KCNMA1: variants seen among roughly 807,000 people sequenced by gnomAD.
KCNMA1 encodes Calcium-activated potassium channel subunit alpha-1.
In KCNMA1, 29 loss-of-function variants were observed where a neutral mutation model predicts 140.0. The ratio of observed to expected loss-of-function variants is 0.21; its 90% CI spans 0.15 to 0.28. The LOEUF (loss-of-function observed/expected upper bound fraction) is 0.28, where lower values mean the gene tolerates loss of function less well. Among genes scored for constraint, KCNMA1 ranks in the 10% least tolerant of loss-of-function variants. The pLI is 1.00. For synonymous variants in KCNMA1, 612 were observed against 611.9 expected, an observed-to-expected ratio of 1.00 and a Z score of 0.00; for missense variants, 880 against 1,602.2, an observed-to-expected ratio of 0.55 and a Z score of 7.70.
At chr10:77,501,309 G>C (rs1180274661) in intron 1 of KCNMA1, among the ~76,000 whole-genome samples, 1 of 152,204 alleles carries the variant, frequency 6.6e-6, no homozygotes, top group Non-Finnish European at 1.5e-5. Flanking sequence ...CTTTGGTTCA[G>C]GAATGCTTGG....
At chr10:77,497,552 C>T (rs1347729107) in intron 1 of KCNMA1, among the ~76,000 whole-genome samples, 1 of 152,162 alleles carries the variant, frequency 6.6e-6, no homozygotes, top group East Asian at 1.9e-4. Context: ...AACTGTGTCC[C>T]CAAACTAAGA....
chr10:77,168,792 G>T (rs902910915), intron 5 of KCNMA1, among the ~76,000 whole-genome samples: 1 of 152,142 alleles, frequency 6.6e-6, no homozygotes, highest in Non-Finnish European at 1.5e-5. Flanking sequence ...AAAACATAGT[G>T]CCAGACATTT....
intron 2 of KCNMA1, among the ~76,000 whole-genome samples, chr10:77,378,052 T>C (rs576078426): frequency 3.3e-5 from 5 of 152,358 alleles, no homozygotes; most frequent in Admixed American, 3.3e-4. Flanking sequence ...TTCAATGAGT[T>C]CAGAGAAGTC....
At chr10:77,216,611 G>C (rs1032597310) in intron 3 of KCNMA1, among the ~76,000 whole-genome samples, 1 of 152,070 alleles carries the variant, frequency 6.6e-6, no homozygotes, top group Non-Finnish European at 1.5e-5. Flanking sequence ...TGAAAAAATT[G>C]TATCTTAGAA....
chr10:77,049,085 G>A (rs2095254105), intron 14 of KCNMA1, among the ~76,000 whole-genome samples: 1 of 152,118 alleles, frequency 6.6e-6, no homozygotes, highest in Non-Finnish European at 1.5e-5. Context: ...TTTAGTCACA[G>A]AATCCTTTAT....
chr10:77,366,811 T>C (rs2094394922), intron 2 of KCNMA1, among the ~76,000 whole-genome samples: 1 of 152,234 alleles, frequency 6.6e-6, no homozygotes, highest in South Asian at 2.1e-4. Context: ...TTCCCTGGCA[T>C]CTTCTGTTCT....
intron 9 of KCNMA1, among the ~76,000 whole-genome samples, chr10:77,107,848 G>T (rs1363432558): frequency 3.3e-4 from 51 of 152,314 alleles, no homozygotes; most frequent in Non-Finnish European, 1.3e-4. Context: ...CAGTGCCTTT[G>T]CAGTAGGCCA....
intron 19 of KCNMA1, among the ~76,000 whole-genome samples, chr10:76,991,276 C>T (rs2082682402): frequency 6.6e-6 from 1 of 152,212 alleles, no homozygotes; most frequent in African/African-American, 2.4e-5. Context: ...AGCAAATGCT[C>T]TATATGTGGT....
intron 2 of KCNMA1, among the ~76,000 whole-genome samples, chr10:77,388,044 A>C (rs2095679529): frequency 6.6e-6 from 1 of 152,234 alleles, no homozygotes; most frequent in Non-Finnish European, 1.5e-5. Flanking sequence ...CTGATGAAAG[A>C]TGATGAAAGT....
At chr10:77,450,106 A>C (rs73299380) in intron 1 of KCNMA1, among the ~76,000 whole-genome samples, 2,441 of 152,268 alleles carry the variant, frequency 0.016, 70 homozygotes, top group African/African-American at 0.056. Flanking sequence ...TTTGAGACAC[A>C]GTGCAGTGGC....
At chr10:77,046,475 T>A (rs1220759577) in intron 14 of KCNMA1, among the ~76,000 whole-genome samples, 6 of 152,176 alleles carry the variant, frequency 3.9e-5, no homozygotes, top group Non-Finnish European at 8.8e-5. Context: ...TGATGAATGT[T>A]TGGGCTGGTT....
chr10:77,610,583 T>C (rs2086467963), intron 1 of KCNMA1, among the ~76,000 whole-genome samples: 1 of 152,170 alleles, frequency 6.6e-6, no homozygotes, highest in African/African-American at 2.4e-5. Flanking sequence ...TCAGACACAG[T>C]AGATCCTAGT....
chr10:77,626,724 T>C (rs1005553165), intron 1 of KCNMA1, among the ~76,000 whole-genome samples: 1 of 152,192 alleles, frequency 6.6e-6, no homozygotes, highest in Non-Finnish European at 1.5e-5. Context: ...GCTTCACCTC[T>C]GAGCCACACA....
Position 77,375,861 on chromosome 10 carries a change from T to C in KCNMA1, c.540+28001A>G, listed in dbSNP as rs542395323. ...ATTCCAGCACAATGCTGGCAGGCCA[T>C]CTTGGTGCTCTTGGGGCTGGCTGTG... On this transcript the variant is annotated intron_variant, in intron 2 of 27. Coordinates refer to ENST00000286628, the MANE Select transcript of KCNMA1 (RefSeq NM_001161352.2). Among the ~76,000 whole-genome samples, 32 of 152,276 alleles carry C rather than the reference T, an allele frequency of 2.1e-4. No homozygotes were observed. The South Asian group carries it at 6.4e-3, about 31-fold the overall frequency.
At chr10:77,231,194 T>C (rs1035278143) in intron 3 of KCNMA1, among the ~76,000 whole-genome samples, 3 of 152,198 alleles carry the variant, frequency 2.0e-5, no homozygotes, top group African/African-American at 7.2e-5. Flanking sequence ...GAGAAAATTA[T>C]GTGTGATGGA....
chr10:77,244,266 T>C (rs12256620), intron 3 of KCNMA1, among the ~76,000 whole-genome samples: 6 of 152,188 alleles, frequency 3.9e-5, no homozygotes, highest in African/African-American at 1.4e-4. Flanking sequence ...CAGAGAACAG[T>C]GGCACCAGTT....
chr10:77,571,186 C>T (rs1219764836), intron 1 of KCNMA1, among the ~76,000 whole-genome samples: 1 of 152,098 alleles, frequency 6.6e-6, no homozygotes, highest in Non-Finnish European at 1.5e-5. Context: ...TATCTGAAAC[C>T]CTCGGGAATC....
At chr10:77,573,529 C>A (rs1303223353) in intron 1 of KCNMA1, among the ~76,000 whole-genome samples, 3 of 151,976 alleles carry the variant, frequency 2.0e-5, no homozygotes, top group Non-Finnish European at 2.9e-5. Flanking sequence ...ACTACAACAG[C>A]AATTTCAGAT....
intron 18 of KCNMA1, among the ~76,000 whole-genome samples, chr10:77,011,447 T>C (rs957430336): frequency 1.3e-5 from 2 of 152,150 alleles, no homozygotes; most frequent in African/African-American, 2.4e-5. Context: ...TGGAAAGTTC[T>C]TTTCTTGGGG....
Sources: allele counts gnomAD v4.1 joint callset (sites outside exome capture counted in the v4.1 genomes callset), GRCh38; gene constraint gnomAD v4.1.1; transcripts MANE v1.5; gene names NCBI Gene and HGNC (gene_info 2026-07-23, HGNC 2026-07-21).